LINGO2: variants seen among roughly 807,000 people sequenced by gnomAD.
LINGO2 encodes the protein leucine-rich repeat and immunoglobulin-like domain-containing nogo receptor-interacting protein 2.
A neutral mutation model predicts 30.6 loss-of-function variants in LINGO2; 14 were observed. The observed-to-expected ratio is 0.46, with a 90% confidence interval of 0.30 to 0.72. The LOEUF (loss-of-function observed/expected upper bound fraction) is 0.72. LINGO2 is among the 30% of genes least tolerant of loss of function. The probability of loss-of-function intolerance (pLI) is 0.07; values close to 1 mark genes in which losing one functional copy is unlikely to be tolerated. For synonymous variants in LINGO2, 317 were observed against 288.5 expected (o/e 1.10, Z -1.00); for missense variants, 729 against 751.7 (o/e 0.97, Z 0.35).
At chr9:28,894,191 G>T in the LINGO2 span, among the ~76,000 whole-genome samples, 3 of 152,050 alleles carry the variant, frequency 2.0e-5, no homozygotes, top group Non-Finnish European at 4.4e-5. Context: ...TTGCTATTGT[G>T]AATAGTGTCA....
At chr9:28,309,490 A>T (rs1057483540) in intron 3 of LINGO2, among the ~76,000 whole-genome samples, 2 of 151,858 alleles carry the variant, frequency 1.3e-5, no homozygotes, top group Non-Finnish European at 2.9e-5. Flanking sequence ...CAAAATGATG[A>T]GTTAATGGTT....
the LINGO2 span, among the ~76,000 whole-genome samples, chr9:28,798,329 A>C: frequency 0.03 from 4,595 of 152,160 alleles, 232 homozygotes; most frequent in African/African-American, 0.1. Flanking sequence ...GAAAGAACAA[A>C]CTTGAGTAGG....
At chr9:28,865,553 C>A in the LINGO2 span, among the ~76,000 whole-genome samples, 1 of 151,966 alleles carries the variant, frequency 6.6e-6, no homozygotes, top group Non-Finnish European at 1.5e-5. Context: ...GAGGCCGAGG[C>A]GGGAGGATCA....
Position 28,022,867 on chromosome 9 carries a change from T to TTTTG in LINGO2, c.-86-10463_-86-10462insCAAA, listed in dbSNP as rs1554660136. On this transcript the variant is annotated intron_variant, in intron 4 of 5. Coordinates refer to ENST00000379992, the Ensembl canonical transcript of LINGO2. ...ACAACTCTGGATGTTCTCTGCTGAT[T>TTTTG]TTTTGTTTTGTTTTGTTTTTCAGTT... is the stretch of plus-strand genomic sequence containing the variant. Among the ~76,000 whole-genome samples the TTTTG allele has an allele frequency of 1.8e-3, 278 of 150,446 alleles. 1 individual carries two copies. Among genetic ancestry groups the TTTTG allele is most frequent in the Admixed American group, 5.5e-3 (84 of 15,148 alleles).
chr9:28,571,266 CT>C (rs1823675958), intron 1 of LINGO2, among the ~76,000 whole-genome samples: 2 of 151,970 alleles, frequency 1.3e-5, no homozygotes, highest in Non-Finnish European at 2.9e-5. Flanking sequence ...CTAAGAACTA[CT>C]GATAGAAAAT....
intron 1 of LINGO2, among the ~76,000 whole-genome samples, chr9:28,588,403 G>A (rs2135691574): frequency 6.6e-6 from 1 of 152,006 alleles, no homozygotes; most frequent in Admixed American, 6.6e-5. Flanking sequence ...TATCCAGTAG[G>A]ATAACAATGG....
intron 4 of LINGO2, among the ~76,000 whole-genome samples, chr9:28,249,843 C>T (rs1300474606): frequency 2.6e-5 from 4 of 152,266 alleles, no homozygotes; most frequent in East Asian, 1.9e-4. Context: ...CATTTAAATT[C>T]TTCCTTGAAG....
At chr9:29,094,260 G>T in the LINGO2 span, among the ~76,000 whole-genome samples, 1,270 of 138,800 alleles carry the variant, frequency 9.1e-3, 248 homozygotes, top group African/African-American at 0.033. Flanking sequence ...GAACAGAGGT[G>T]ATTTAACCCT....
At chr9:28,239,127 A>G (rs1414669683) in intron 4 of LINGO2, among the ~76,000 whole-genome samples, 1 of 152,136 alleles carries the variant, frequency 6.6e-6, no homozygotes, top group Admixed American at 6.6e-5. Flanking sequence ...ATAACAAGTA[A>G]TAAAATCAAA....
At chr9:28,949,273 G>T in the LINGO2 span, among the ~76,000 whole-genome samples, 1 of 152,066 alleles carries the variant, frequency 6.6e-6, no homozygotes, top group Non-Finnish European at 1.5e-5. Flanking sequence ...AGAACTGAAG[G>T]AGATAGAGAC....
At chr9:28,261,731 C>T (rs543150840) in intron 4 of LINGO2, among the ~76,000 whole-genome samples, 1 of 151,920 alleles carries the variant, frequency 6.6e-6, no homozygotes, top group East Asian at 1.9e-4. Flanking sequence ...GAGAACCATG[C>T]AATTGCCCAG....
the LINGO2 span, among the ~76,000 whole-genome samples, chr9:28,710,485 AGATATTTACGT>A: frequency 2.0e-5 from 3 of 152,144 alleles, no homozygotes; most frequent in African/African-American, 7.2e-5. Flanking sequence ...ATTTAGCTAG[AGATATTTACGT>A]GACTAAACCA....
At chr9:28,819,717 G>T in the LINGO2 span, among the ~76,000 whole-genome samples, 1 of 152,186 alleles carries the variant, frequency 6.6e-6, no homozygotes, top group Non-Finnish European at 1.5e-5. Context: ...AGCAGGTCCT[G>T]TGGCAGAGCA....
chr9:28,082,435 A>G (rs1825797627), intron 4 of LINGO2, among the ~76,000 whole-genome samples: 1 of 151,998 alleles, frequency 6.6e-6, no homozygotes, highest in Non-Finnish European at 1.5e-5. Context: ...ATGCTATCTG[A>G]GCACAGAAAT....
intron 5 of LINGO2, among the ~76,000 whole-genome samples, chr9:27,994,528 GAT>G (rs1484374749): frequency 6.6e-6 from 1 of 152,074 alleles, no homozygotes; most frequent in African/African-American, 2.4e-5. Flanking sequence ...CAGCATGCTG[GAT>G]ATGAGGAGGG....
intron 3 of LINGO2, among the ~76,000 whole-genome samples, chr9:28,298,511 AAAAG>A (rs1423596706): frequency 6.6e-6 from 1 of 150,852 alleles, no homozygotes; most frequent in African/African-American, 2.4e-5. Flanking sequence ...AAAAAAAAAA[AAAAG>A]AAAGAAAAAA....
chr9:28,484,257 T>C (rs1826083755), intron 1 of LINGO2, among the ~76,000 whole-genome samples: 1 of 152,032 alleles, frequency 6.6e-6, no homozygotes, highest in South Asian at 2.1e-4. Flanking sequence ...CCAGCTTTTG[T>C]TGACAAGGAG....
chr9:28,260,420 T>C (rs1339908339), intron 4 of LINGO2, among the ~76,000 whole-genome samples: 4 of 151,874 alleles, frequency 2.6e-5, no homozygotes, highest in Non-Finnish European at 5.9e-5. Flanking sequence ...AATTCTAACT[T>C]CAGAGATATC....
the LINGO2 span, among the ~76,000 whole-genome samples, chr9:28,905,490 C>A: frequency 6.6e-6 from 1 of 151,840 alleles, no homozygotes; most frequent in Admixed American, 6.6e-5. Context: ...AAAATACCTA[C>A]ACAAATAATT....
Sources: gnomAD v4.1 joint callset for allele counts (sites outside exome capture counted in the v4.1 genomes callset) on GRCh38, gnomAD v4.1.1 for gene constraint, MANE v1.5 for transcripts, NCBI Gene and HGNC (gene_info 2026-07-23, HGNC 2026-07-21) for gene names.